Variants in ZNF804B observed in about 807,000 individuals in gnomAD.
ZNF804B encodes the protein zinc finger protein 804B, also known as zinc finger 804B.
In ZNF804B, 80 loss-of-function variants were observed where a neutral mutation model predicts 101.4. The observed-to-expected ratio is 0.79, with a 90% CI of 0.66 to 0.95. The LOEUF (loss-of-function observed/expected upper bound fraction) is 0.95. Among genes scored for constraint, ZNF804B ranks in the 40% least tolerant of loss-of-function variants. ZNF804B has a pLI of 0.00. For missense variants in ZNF804B, 1,673 were observed against 1,561.9 expected, an observed-to-expected ratio of 1.07 and a Z score of -1.20; for synonymous variants, 622 against 558.8, an observed-to-expected ratio of 1.11 and a Z score of -1.59.
intron 1 of ZNF804B, among the ~76,000 whole-genome samples, chr7:89,096,206 A>G (rs955454576): frequency 1.3e-5 from 2 of 151,954 alleles, no homozygotes; most frequent in African/African-American, 2.4e-5. Flanking sequence ...GAAATGGATC[A>G]ATCTATGGTG....
At chr7:89,243,054 G>A (rs1221144218) in intron 2 of ZNF804B, among the ~76,000 whole-genome samples, 1 of 151,700 alleles carries the variant, frequency 6.6e-6, no homozygotes, top group East Asian at 1.9e-4. Context: ...GCTGGCATTG[G>A]AAGATTTTAC....
At chr7:88,785,624 C>T (rs955782284) in intron 1 of ZNF804B, among the ~76,000 whole-genome samples, 3 of 152,072 alleles carry the variant, frequency 2.0e-5, no homozygotes, top group Non-Finnish European at 4.4e-5. Flanking sequence ...CATAATCTGG[C>T]CCCATACCTT....
chr7:88,980,720 C>T (rs1279725507), intron 1 of ZNF804B, among the ~76,000 whole-genome samples: 1 of 152,030 alleles, frequency 6.6e-6, no homozygotes, highest in Non-Finnish European at 1.5e-5. Flanking sequence ...GTGACACAAG[C>T]ATCGCCATGG....
At chr7:89,247,472 A>C (rs2115778373) in intron 2 of ZNF804B, among the ~76,000 whole-genome samples, 1 of 152,340 alleles carries the variant, frequency 6.6e-6, no homozygotes, top group African/African-American at 2.4e-5. Context: ...TGCTGACAGA[A>C]GCGCATAAGG....
chr7:89,260,001 AGAGAGAGG>A (rs1007915810), intron 2 of ZNF804B, among the ~76,000 whole-genome samples: 91 of 152,088 alleles, frequency 6.0e-4, no homozygotes, highest in East Asian at 1.9e-3. Context: ...AAAAAGAGAG[AGAGAGAGG>A]GAGAGAGGGA....
intron 1 of ZNF804B, among the ~76,000 whole-genome samples, chr7:89,087,616 A>G (rs1464042037): frequency 6.6e-6 from 1 of 152,002 alleles, no homozygotes; most frequent in African/African-American, 2.4e-5. Context: ...TTGATTCTAT[A>G]TGTTAGTGTC....
At chr7:89,323,253 C>T (rs890363473) in intron 2 of ZNF804B, among the ~76,000 whole-genome samples, 13 of 152,300 alleles carry the variant, frequency 8.5e-5, no homozygotes, top group African/African-American at 2.9e-4. Flanking sequence ...GTTAGCTAAG[C>T]CACCCAGTCT....
intron 2 of ZNF804B, among the ~76,000 whole-genome samples, chr7:89,222,049 G>C (rs1789012423): frequency 6.6e-6 from 1 of 152,050 alleles, no homozygotes; most frequent in African/African-American, 2.4e-5. Context: ...AGAAAGAAGA[G>C]AAGATAAATG....
chr7:89,139,049 G>A (rs889535068), intron 1 of ZNF804B, among the ~76,000 whole-genome samples: 4 of 152,030 alleles, frequency 2.6e-5, no homozygotes, highest in African/African-American at 9.7e-5. Context: ...GCATACCTCA[G>A]AGATATTGCA....
intron 2 of ZNF804B, among the ~76,000 whole-genome samples, chr7:89,232,634 T>A (rs1189681839): frequency 2.0e-5 from 3 of 152,178 alleles, no homozygotes; most frequent in Non-Finnish European, 4.4e-5. Flanking sequence ...ATTGTCCAGT[T>A]CATGTATGTT....
intron 1 of ZNF804B, among the ~76,000 whole-genome samples, chr7:88,855,367 T>A (rs967707535): frequency 2.0e-5 from 3 of 149,456 alleles, no homozygotes; most frequent in African/African-American, 7.4e-5. Flanking sequence ...ATGATGAGCA[T>A]TTTTTCATGT....
intron 1 of ZNF804B, among the ~76,000 whole-genome samples, chr7:88,917,883 A>G (rs1462337072): frequency 2.0e-5 from 3 of 152,224 alleles, no homozygotes; most frequent in East Asian, 3.8e-4. Flanking sequence ...TACTCAGAAT[A>G]CACAGATAGA....
intron 3 of ZNF804B, among the ~76,000 whole-genome samples, chr7:89,330,332 C>T (rs943413439): frequency 3.3e-5 from 5 of 151,408 alleles, no homozygotes; most frequent in Admixed American, 6.6e-5. Flanking sequence ...CTAATAATAC[C>T]GTATTGTTTA....
intron 1 of ZNF804B, among the ~76,000 whole-genome samples, chr7:88,840,202 T>G (rs1480400163): frequency 1.3e-5 from 2 of 152,182 alleles, no homozygotes; most frequent in Non-Finnish European, 2.9e-5. Context: ...CATGTTTCTT[T>G]GTCCCTGTCC....
intron 1 of ZNF804B, among the ~76,000 whole-genome samples, chr7:89,139,268 A>T (rs1790682289): frequency 6.6e-6 from 1 of 152,156 alleles, no homozygotes; most frequent in South Asian, 2.1e-4. Flanking sequence ...GCATTCAGTA[A>T]GTCATAATCT....
chr7:89,046,948 C>A (rs2116257890), intron 1 of ZNF804B, among the ~76,000 whole-genome samples: 1 of 152,142 alleles, frequency 6.6e-6, no homozygotes. Flanking sequence ...TTTCTATAAC[C>A]TTACCTTCAT....
chr7:89,022,922 G>A (rs1259690902), intron 1 of ZNF804B, among the ~76,000 whole-genome samples: 1 of 151,970 alleles, frequency 6.6e-6, no homozygotes, highest in Non-Finnish European at 1.5e-5. Flanking sequence ...TACACATTAG[G>A]AGAAAAAATA....
intron 1 of ZNF804B, among the ~76,000 whole-genome samples, chr7:89,178,320 G>T: frequency 7.1e-6 from 1 of 141,044 alleles, no homozygotes; most frequent in Non-Finnish European, 1.6e-5. Context: ...TTTTTCTGGT[G>T]GTTTTGTGGT....
chr7:89,307,717 C>G (rs951286213), intron 2 of ZNF804B, among the ~76,000 whole-genome samples: 9 of 151,938 alleles, frequency 5.9e-5, no homozygotes, highest in Non-Finnish European at 1.3e-4. Context: ...TTTGCCTTTA[C>G]ATGAGGCACT....
Sources: gnomAD v4.1 joint callset for allele counts (sites outside exome capture counted in the v4.1 genomes callset) on GRCh38, gnomAD v4.1.1 for gene constraint, MANE v1.5 for transcripts, NCBI Gene and HGNC (gene_info 2026-07-23, HGNC 2026-07-21) for gene names.